The following COL18A1 variants were observed in gnomAD, a reference collection of about 807,000 sequenced individuals.
The protein encoded by COL18A1 is collagen type XVIII alpha 1 chain.
Under a neutral mutation model 168.0 loss-of-function variants are expected in COL18A1, and 133 were observed. That is an observed-to-expected ratio of 0.79 (90% confidence interval 0.69 to 0.91). COL18A1 has a LOEUF of 0.91. COL18A1 is among the 40% of genes least tolerant of loss of function. COL18A1 has a pLI of 0.00. For missense variants in COL18A1, 2,126 were observed against 1,925.4 expected, an observed-to-expected ratio of 1.10 and a Z score of -1.95; for synonymous variants, 949 against 809.0, an observed-to-expected ratio of 1.17 and a Z score of -2.94.
intron 22 of COL18A1, 61 bp downstream of exon 22, chr21:45,491,375 C>A: frequency 1.9e-5 from 17 of 877,424 alleles, no homozygotes; most frequent in South Asian, 9.9e-5. Context: ...GTGCAGAGAT[C>A]CCTCCCCGAG....
rs1384342942 is a variant in COL18A1 at position 45,491,197 on chromosome 21, A to G, written c.2068-28A>G. 1.9e-6 allele frequency: 3 copies of G among 1,585,532 alleles called. No individual in the cohort carries two copies. The Middle Eastern group carries it at 5.0e-4, about 264-fold the overall frequency. ...TCCTGGCCAGAGCGGTTGAGATGAAATGCCGGACGCGTGGCCTCCTCTTCC... is the reference window on the plus strand; with the variant it reads ...TCCTGGCCAGAGCGGTTGAGATGAAGTGCCGGACGCGTGGCCTCCTCTTCC... On this transcript the variant is annotated intron_variant, in intron 21 of 41. Coordinates refer to ENST00000651438, the MANE Select transcript of COL18A1 (RefSeq NM_001379500.1).
intron 2 of COL18A1, chr21:45,420,802 C>G (rs2033597591): frequency 6.5e-6 from 1 of 152,746 alleles, no homozygotes; most frequent in East Asian, 1.9e-4. Flanking sequence ...CCATGCAGGA[C>G]TCCATGGGAG....
At chr21:45,411,778 A>G (rs874700) in intron 2 of COL18A1, among the ~76,000 whole-genome samples, 65,604 of 107,668 alleles carry the variant, frequency 0.61, 21,364 homozygotes, top group Non-Finnish European at 0.67. Flanking sequence ...GGGGGGGGGC[A>G]GGCTGTGGTC....
Position 45,492,600 on chromosome 21 carries a change from C to T in COL18A1, c.2187+36C>T, listed in dbSNP as rs760944390. 19 of 1,612,496 alleles carry T rather than the reference C, an allele frequency of 1.2e-5. No individual in the cohort carries two copies. The East Asian group carries it at 1.6e-4, about 13-fold the overall frequency. The stretch of plus-strand genomic sequence containing the variant: ...GCCCAGCTTCTAAGAGACGGGCCTG[C>T]GGGGACCTGGGTACAAGGCTGGGTG... On this transcript the variant is annotated intron_variant, in intron 23 of 41. Transcript: ENST00000651438.
At chr21:45,502,587 A>G (rs1411862976) in intron 32 of COL18A1, 1 of 152,220 alleles carries the variant, frequency 6.6e-6, no homozygotes, top group Non-Finnish European at 1.5e-5. Context: ...TCCAAAGTTA[A>G]TTCTTTGCAA....
chr21:45,437,019 A>G (rs1309612434), intron 2 of COL18A1, among the ~76,000 whole-genome samples: 1 of 152,054 alleles, frequency 6.6e-6, no homozygotes, highest in African/African-American at 2.4e-5. Context: ...GTTCCTGTAC[A>G]TAGTGAAGGT....
intron 2 of COL18A1, among the ~76,000 whole-genome samples, chr21:45,451,969 G>A (rs2034632301): frequency 6.6e-6 from 1 of 152,228 alleles, no homozygotes; most frequent in Non-Finnish European, 1.5e-5. Context: ...ATGACGACAC[G>A]TGTGTCCTCT....
intron 2 of COL18A1, among the ~76,000 whole-genome samples, chr21:45,414,401 C>T (rs1451384773): frequency 1.3e-5 from 2 of 152,246 alleles, no homozygotes; most frequent in Non-Finnish European, 2.9e-5. Flanking sequence ...CCAGTCCGAC[C>T]TACTCAGGTT....
rs185984805 is a variant in COL18A1, at chr21:45,471,968, A to G, written c.652-1927A>G. On this transcript the variant is annotated intron_variant, in intron 3 of 41. Coordinates refer to ENST00000651438, the MANE Select transcript of COL18A1 (RefSeq NM_001379500.1). The surrounding 1 kb of genome is among the most constrained non-coding windows in gnomAD (Gnocchi z 4.4). ...CGGAGCCAGCGGCCACCACGGGCTC[A>G]GAGCTTCTCTGCCCTCTGTAGTCGC... Among the ~76,000 whole-genome samples, 249 of 152,182 alleles carry G rather than the reference A, an allele frequency of 1.6e-3. No individual in the cohort carries two copies. The highest frequency in any genetic ancestry group is 5.5e-3 in the African/African-American group (227 of 41,512).
In COL18A1 at chr21:45,481,945, TG is replaced by T; in HGVS notation, c.1612-17del. 1 of 1,596,954 alleles carries T rather than the reference TG, an allele frequency of 6.3e-7. No individual in the cohort carries two copies. Among genetic ancestry groups the T allele is most frequent in the Non-Finnish European group, 8.6e-7 (1 of 1,164,494 alleles). The stretch of plus-strand genomic sequence containing the variant: ...GGCCGAATGCCATCAAGACCCACTA[TG>T]CTCTGCTCTCCCCCAGGGACCCCCA... On this transcript the variant is annotated splice_polypyrimidine_tract_variant and intron_variant, in intron 13 of 41. Coordinates refer to ENST00000651438, the MANE Select transcript of COL18A1 (RefSeq NM_001379500.1).
Position 45,455,860 on chromosome 21 carries a change from C to T in COL18A1, c.107-12382C>T, listed in dbSNP as rs374634058. 1,727 of 1,613,128 alleles carry T rather than the reference C, an allele frequency of 1.1e-3. 34 individuals are homozygous for T. The South Asian group carries it at 0.017, about 16-fold the overall frequency. On this transcript the variant is annotated intron_variant, in intron 2 of 41. Coordinates refer to ENST00000651438, the MANE Select transcript of COL18A1 (RefSeq NM_001379500.1). Reference sequence around the variant, plus strand: ...CGCCAGAGGAGAACATTGCCGGTGTCGGAGCCGAGATCCTGAACGTGGCCA... The same window carrying T: ...CGCCAGAGGAGAACATTGCCGGTGTTGGAGCCGAGATCCTGAACGTGGCCA...
intron 1 of COL18A1, 55 bp from the exon 2 acceptor site, chr21:45,405,324 T>TCCTGCGGGGGG: frequency 1.1e-6 from 1 of 941,950 alleles, no homozygotes; most frequent in Non-Finnish European, 1.3e-6. Flanking sequence ...CTCGGCCGGG[T>TCCTGCGGGGGG]CCTGCGGGGG....
At position 45,495,283 on chromosome 21, in the gene COL18A1, C is replaced by A. The variant is rs542890932; in HGVS notation, c.2434-75C>A. The A allele has an allele frequency of 8.4e-6, 11 of 1,310,600 alleles. No homozygotes were observed. In the Admixed American group the frequency reaches 1.4e-4, roughly 16 times the overall value. The allele number at this position is 1,310,600 out of a possible 1,614,324, so 81.2% of individuals were successfully genotyped here. A position where few individuals can be genotyped will look rare whatever the true frequency, so the allele number is the denominator to read the frequency against. ...CCGGCCGGGCCTGGCGTGGGGCTAA[C>A]GGCAGGCACCCTGCGGGAAGGTGTC... On this transcript the variant is annotated intron_variant, in intron 28 of 41. Transcript: ENST00000651438.
intron 2 of COL18A1, among the ~76,000 whole-genome samples, chr21:45,428,135 G>A (rs1387321075): frequency 6.6e-6 from 1 of 152,232 alleles, no homozygotes. Context: ...CATCTTGAGT[G>A]CTGTGCAGGT....
chr21:45,500,129 G>A (rs2036691318), intron 32 of COL18A1, among the ~76,000 whole-genome samples: 1 of 130,364 alleles, frequency 7.7e-6, no homozygotes, highest in African/African-American at 2.9e-5. Flanking sequence ...GTGTGGGGGT[G>A]TGGGTGGAGT....
At chr21:45,506,075 G>A in intron 37 of COL18A1, 109 bp downstream of exon 37, 1 of 1,523,282 alleles carries the variant, frequency 6.6e-7, no homozygotes, top group Non-Finnish European at 9.0e-7. Context: ...GGAGCAGGTG[G>A]CAGCCAGCGC....
intron 2 of COL18A1, chr21:45,421,296 A>T: frequency 2.4e-6 from 1 of 409,744 alleles, no homozygotes; most frequent in South Asian, 1.8e-5. Context: ...GTGCGGCTGG[A>T]CATGGGAGGA....
chr21:45,432,400 T>C (rs9978029), intron 2 of COL18A1, among the ~76,000 whole-genome samples: 42,233 of 151,980 alleles, frequency 0.28, 8,417 homozygotes, highest in African/African-American at 0.55. Flanking sequence ...TTAAATCAGG[T>C]GGATATTTAC....
At chr21:45,422,867 A>C (rs8132629) in intron 2 of COL18A1, among the ~76,000 whole-genome samples, 3,315 of 151,856 alleles carry the variant, frequency 0.022, 117 homozygotes, top group African/African-American at 0.075. Context: ...TGGTCACTGC[A>C]ACCTCCATCT....
Sources: allele counts gnomAD v4.1 joint callset (sites outside exome capture counted in the v4.1 genomes callset), GRCh38; gene constraint gnomAD v4.1.1; non-coding constraint Gnocchi (gnomAD v3.1); transcripts MANE v1.5; gene names NCBI Gene and HGNC (gene_info 2026-07-23, HGNC 2026-07-21).